The following DACH2 variants were observed in gnomAD, a reference collection of about 807,000 sequenced individuals.
DACH2 encodes dachshund family transcription factor 2.
In DACH2, 17 loss-of-function variants were observed where a neutral mutation model predicts 35.8. That is an observed-to-expected ratio of 0.48 (90% CI 0.33 to 0.71). The LOEUF (loss-of-function observed/expected upper bound fraction) is 0.71, where lower values mean the gene tolerates loss of function less well. Among genes scored for constraint, DACH2 ranks in the 30% least tolerant of loss-of-function variants. The pLI is 0.02. For missense variants in DACH2, 469 were observed against 472.7 expected (o/e 0.99, Z 0.07); for synonymous variants, 195 against 177.3 (o/e 1.10, Z -0.79).
intron 1 of DACH2, among the ~76,000 whole-genome samples, chrX:86,257,664 T>G (rs188931256): frequency 7.1e-5 from 8 of 112,132 alleles, no homozygotes; most frequent in Middle Eastern, 9.2e-3. Flanking sequence ...CACCTAGGCT[T>G]GCTAAAGTGC....
intron 2 of DACH2, among the ~76,000 whole-genome samples, chrX:86,455,928 A>G (rs975766221): frequency 1.8e-5 from 2 of 111,394 alleles, no homozygotes; most frequent in Admixed American, 1.9e-4. Flanking sequence ...TTCTGCTGAG[A>G]CTCCACACAG....
In DACH2 at chrX:86,498,286, A is replaced by T. The variant is rs1270202475; in HGVS notation, c.528-15993A>T. 2.7e-5 allele frequency among the ~76,000 whole-genome samples: 3 copies of T among 112,004 alleles called. No homozygotes were observed. The East Asian group carries it at 8.4e-4, about 31-fold the overall frequency. ...TAGGAATAAAAATATGTGATAAACT[A>T]ATTCTTTAATACAAACCCATCTTCA... On this transcript the variant is annotated intron_variant, in intron 2 of 11. Transcript: ENST00000373125.
At chrX:86,810,186 T>C (rs1440972676) in intron 7 of DACH2, among the ~76,000 whole-genome samples, 1 of 111,757 alleles carries the variant, frequency 8.9e-6, no homozygotes, top group Non-Finnish European at 1.9e-5. Context: ...ATGGCATTTT[T>C]TTCATCTTCA....
At position 86,425,736 on chromosome X, in the gene DACH2, TACTC is replaced by T. The variant is rs1343419469; in HGVS notation, c.527+48875_527+48878del. Among the ~76,000 whole-genome samples the T allele has an allele frequency of 1.7e-4, 19 of 111,112 alleles. No individual in the cohort carries two copies. In the Admixed American group the frequency reaches 1.8e-3, roughly 11 times the overall value. On this transcript the variant is annotated intron_variant, in intron 2 of 11. Transcript: ENST00000373125. ...GTAGGGCAAAAGGATCAGCTTTACT[TACTC>T]TGAGTTATAGTGAAGACCTATGAAG...
chrX:86,190,204 CTTTTA>C (rs1365259579), intron 1 of DACH2, among the ~76,000 whole-genome samples: 1 of 109,882 alleles, frequency 9.1e-6, no homozygotes. Flanking sequence ...TTTCTTTTGT[CTTTTA>C]TATGTAAACT....
intron 1 of DACH2, among the ~76,000 whole-genome samples, chrX:86,202,823 G>A (rs2032190444): frequency 9.0e-6 from 1 of 111,211 alleles, no homozygotes; most frequent in South Asian, 3.8e-4. Flanking sequence ...TTTGGTGATT[G>A]AAAGAATAAT....
intron 1 of DACH2, among the ~76,000 whole-genome samples, chrX:86,162,156 T>C (rs1293785678): frequency 9.0e-6 from 1 of 111,291 alleles, no homozygotes; most frequent in African/African-American, 3.3e-5. Flanking sequence ...AGAATTCCTT[T>C]TTTTTGAGGT....
intron 7 of DACH2, among the ~76,000 whole-genome samples, chrX:86,744,810 A>G (rs756568444): frequency 6.3e-5 from 7 of 111,826 alleles, no homozygotes; most frequent in Non-Finnish European, 1.3e-4. Context: ...ACTATGTCAA[A>G]TAAATCGACC....
At chrX:86,555,664 A>G (rs772933018) in intron 3 of DACH2, among the ~76,000 whole-genome samples, 1 of 111,933 alleles carries the variant, frequency 8.9e-6, no homozygotes, top group East Asian at 2.8e-4. Flanking sequence ...TTATGTCTTC[A>G]AATGCATTTT....
intron 1 of DACH2, among the ~76,000 whole-genome samples, chrX:86,255,258 T>A (rs1231711599): frequency 8.9e-6 from 1 of 111,794 alleles, no homozygotes; most frequent in East Asian, 2.8e-4. Flanking sequence ...ATCTCCATTT[T>A]AAACAGGAGG....
chrX:86,576,455 T>C (rs1273877288), intron 3 of DACH2, among the ~76,000 whole-genome samples: 3 of 111,856 alleles, frequency 2.7e-5, no homozygotes, highest in Non-Finnish European at 3.8e-5. Context: ...CAACATGAAA[T>C]ATGCACAACA....
chrX:86,803,654 C>T (rs1280768260), intron 7 of DACH2, among the ~76,000 whole-genome samples: 11 of 110,406 alleles, frequency 1.0e-4, no homozygotes, highest in African/African-American at 3.6e-4. Flanking sequence ...TATAGATAGA[C>T]ACATGATGGT....
At chrX:86,219,106 T>C (rs189358986) in intron 1 of DACH2, among the ~76,000 whole-genome samples, 1 of 112,192 alleles carries the variant, frequency 8.9e-6, no homozygotes, top group East Asian at 2.8e-4. Context: ...GAACCATGTA[T>C]ACAAATTCAG....
chrX:86,721,133 G>A (rs751534914), intron 6 of DACH2, among the ~76,000 whole-genome samples: 6 of 112,383 alleles, frequency 5.3e-5, no homozygotes, highest in Admixed American at 9.4e-5. Context: ...AACCTGTGAT[G>A]GGAAGATCTC....
intron 7 of DACH2, among the ~76,000 whole-genome samples, chrX:86,774,017 G>A (rs1349625633): frequency 9.0e-6 from 1 of 110,824 alleles, no homozygotes; most frequent in African/African-American, 3.3e-5. Context: ...TCTTCTCCAC[G>A]GTGGTTGTAC....
At chrX:86,695,501 A>T (rs1253753975) in intron 5 of DACH2, among the ~76,000 whole-genome samples, 1 of 106,859 alleles carries the variant, frequency 9.4e-6, no homozygotes, top group African/African-American at 3.5e-5. Flanking sequence ...TTTGAATTCC[A>T]CATGTTTTGA....
At chrX:86,764,314 G>T (rs2041911558) in intron 7 of DACH2, among the ~76,000 whole-genome samples, 1 of 111,244 alleles carries the variant, frequency 9.0e-6, no homozygotes, top group African/African-American at 3.3e-5. Context: ...GGTTCCCAAT[G>T]ATCGCATCAC....
intron 3 of DACH2, among the ~76,000 whole-genome samples, chrX:86,599,780 G>A (rs1466070677): frequency 1.8e-5 from 2 of 110,693 alleles, no homozygotes; most frequent in Non-Finnish European, 3.8e-5. Flanking sequence ...AGAGACATGA[G>A]CCACCATGCC....
At chrX:86,319,834 C>T (rs1407921111) in intron 1 of DACH2, among the ~76,000 whole-genome samples, 2 of 111,830 alleles carry the variant, frequency 1.8e-5, no homozygotes, top group African/African-American at 3.3e-5. Flanking sequence ...TAAATAGACA[C>T]TACACACATA....
Sources: gnomAD v4.1 joint callset for allele counts (sites outside exome capture counted in the v4.1 genomes callset) on GRCh38, gnomAD v4.1.1 for gene constraint, MANE v1.5 for transcripts, NCBI Gene and HGNC (gene_info 2026-07-23, HGNC 2026-07-21) for gene names.